The following RYK variants were observed in gnomAD, a reference collection of about 807,000 sequenced individuals.
The protein encoded by RYK is inactive tyrosine-protein kinase RYK.
RYK carries 21 observed loss-of-function variants against 70.2 expected under a neutral mutation model. The ratio of observed to expected loss-of-function variants is 0.30; its 90% CI spans 0.21 to 0.43. The LOEUF is 0.43. RYK is among the 20% of genes least tolerant of loss of function. The pLI is 1.00. For synonymous variants in RYK, 267 were observed against 278.0 expected, an observed-to-expected ratio of 0.96 and a Z score of 0.39; for missense variants, 604 against 753.3, an observed-to-expected ratio of 0.80 and a Z score of 2.32.
intron 13 of RYK, among the ~76,000 whole-genome samples, chr3:134,162,260 G>A (rs1402703079): frequency 6.7e-6 from 1 of 148,912 alleles, no homozygotes; most frequent in African/African-American, 2.5e-5. Flanking sequence ...TGGTGGAGAC[G>A]CAGGACACAA....
intron 9 of RYK, among the ~76,000 whole-genome samples, chr3:134,186,667 T>C (rs2013473377): frequency 6.6e-6 from 1 of 152,182 alleles, no homozygotes; most frequent in African/African-American, 2.4e-5. Flanking sequence ...GTCAAGCATA[T>C]ACGGAAAGAG....
chr3:134,219,784 G>T (rs745486115), intron 2 of RYK, among the ~76,000 whole-genome samples: 1 of 152,170 alleles, frequency 6.6e-6, no homozygotes, highest in African/African-American at 2.4e-5. Flanking sequence ...TGGTTATCCA[G>T]TGTAGGTCTG....
At chr3:134,169,217 T>C (rs2012805061) in intron 13 of RYK, among the ~76,000 whole-genome samples, 1 of 152,160 alleles carries the variant, frequency 6.6e-6, no homozygotes, top group South Asian at 2.1e-4. Context: ...TTAAACACAA[T>C]GTAATACTAT....
At chr3:134,175,021 C>G (rs995884301) in intron 13 of RYK, among the ~76,000 whole-genome samples, 2 of 152,336 alleles carry the variant, frequency 1.3e-5, no homozygotes, top group East Asian at 3.9e-4. Context: ...TGGGATACCA[C>G]AGCCTATCTC....
At chr3:134,196,881 C>G (rs1220196781) in intron 6 of RYK, among the ~76,000 whole-genome samples, 1 of 152,078 alleles carries the variant, frequency 6.6e-6, no homozygotes, top group Non-Finnish European at 1.5e-5. Context: ...AATATGCAAA[C>G]CATTCTGCTC....
chr3:134,188,952 T>A, intron 8 of RYK, 29 bp from the exon 9 acceptor site: 21 of 1,171,090 alleles, frequency 1.8e-5, no homozygotes, highest in Non-Finnish European at 2.5e-5. Flanking sequence ...ATTAATGAGA[T>A]CATACAACAT....
chr3:134,213,342 T>C (rs555237535), intron 2 of RYK, among the ~76,000 whole-genome samples: 84 of 152,314 alleles, frequency 5.5e-4, no homozygotes, highest in African/African-American at 1.9e-3. Flanking sequence ...GGGTAATACA[T>C]GTTATGAGGA....
intron 6 of RYK, among the ~76,000 whole-genome samples, chr3:134,200,105 G>A (rs549226288): frequency 2.6e-5 from 4 of 152,016 alleles, no homozygotes; most frequent in South Asian, 4.2e-4. Context: ...CCAAATAAGG[G>A]AAAAAAAGCA....
At chr3:134,188,165 ATAT>A (rs1360159310) in intron 9 of RYK, among the ~76,000 whole-genome samples, 7 of 98,906 alleles carry the variant, frequency 7.1e-5, no homozygotes, top group South Asian at 5.4e-4. Flanking sequence ...ATATATATAT[ATAT>A]TTTTTTTTTT....
chr3:134,198,635 A>G (rs1435491015), intron 6 of RYK, among the ~76,000 whole-genome samples: 1 of 152,210 alleles, frequency 6.6e-6, no homozygotes, highest in African/African-American at 2.4e-5. Flanking sequence ...CTCAACTAAC[A>G]CTGAGTCAAT....
intron 10 of RYK, among the ~76,000 whole-genome samples, chr3:134,181,970 C>T (rs143586409): frequency 0.027 from 4,036 of 152,150 alleles, 83 homozygotes; most frequent in Non-Finnish European, 0.039. Context: ...TCGAGACCAT[C>T]GTGGCTAACA....
intron 1 of RYK, among the ~76,000 whole-genome samples, chr3:134,247,021 TGGA>T (rs969743117): frequency 2.6e-5 from 4 of 152,166 alleles, no homozygotes; most frequent in African/African-American, 4.8e-5. Context: ...ACATACTTCT[TGGA>T]GTAGTTGAGG....
At chr3:134,248,090 TA>T (rs1305141828) in intron 1 of RYK, among the ~76,000 whole-genome samples, 2 of 152,144 alleles carry the variant, frequency 1.3e-5, no homozygotes, top group African/African-American at 4.8e-5. Flanking sequence ...GCCAAGGAAT[TA>T]TTTTAAAGGT....
chr3:134,197,551 T>G (rs2013854408), intron 6 of RYK, among the ~76,000 whole-genome samples: 1 of 152,208 alleles, frequency 6.6e-6, no homozygotes, highest in Non-Finnish European at 1.5e-5. Context: ...ATGTGAATAT[T>G]ATGCATCTCC....
At chr3:134,161,999 T>A (rs1305061607) in intron 13 of RYK, among the ~76,000 whole-genome samples, 8 of 152,206 alleles carry the variant, frequency 5.3e-5, no homozygotes, top group Non-Finnish European at 1.2e-4. Flanking sequence ...CCTTGCCTAT[T>A]CCCAGCTTCC....
chr3:134,158,311 T>C, intron 14 of RYK, 47 bp from the exon 15 acceptor site: 1 of 1,254,648 alleles, frequency 8.0e-7, no homozygotes. Flanking sequence ...GGATACAGTA[T>C]TCATAACTTT....
At chr3:134,201,782 CAA>C (rs2014031059) in intron 6 of RYK, among the ~76,000 whole-genome samples, 1 of 152,116 alleles carries the variant, frequency 6.6e-6, no homozygotes, top group Admixed American at 6.6e-5. Context: ...AGAAAAGGTT[CAA>C]AGAGTATGGA....
At chr3:134,233,512 A>G (rs1381527471) in intron 1 of RYK, among the ~76,000 whole-genome samples, 1 of 152,244 alleles carries the variant, frequency 6.6e-6, no homozygotes, top group Admixed American at 6.5e-5. Flanking sequence ...ATTTTTATGT[A>G]CAAATATATT....
intron 6 of RYK, among the ~76,000 whole-genome samples, chr3:134,197,288 T>C (rs2013847418): frequency 6.6e-6 from 1 of 152,158 alleles, no homozygotes; most frequent in African/African-American, 2.4e-5. Context: ...AGAAAAGAGA[T>C]GAAGAGCATA....
Sources: allele counts gnomAD v4.1 joint callset (sites outside exome capture counted in the v4.1 genomes callset), GRCh38; gene constraint gnomAD v4.1.1; transcripts MANE v1.5; gene names NCBI Gene and HGNC (gene_info 2026-07-23, HGNC 2026-07-21).